Variants in PEX1 observed in about 807,000 individuals in gnomAD.
PEX1 encodes peroxisomal ATPase PEX1.
In PEX1, 97 loss-of-function variants were observed where a neutral mutation model predicts 152.5. The ratio of observed to expected loss-of-function variants is 0.64; its 90% CI spans 0.54 to 0.75. The LOEUF (loss-of-function observed/expected upper bound fraction) is 0.75. Among genes scored for constraint, PEX1 ranks in the 30% least tolerant of loss-of-function variants. The pLI is 0.00. For missense variants in PEX1, 1,357 were observed against 1,516.3 expected (o/e 0.89, Z 1.74); for synonymous variants, 485 against 531.6 (o/e 0.91, Z 1.21).
At chr7:92,516,247 G>A (rs1202145459) in intron 5 of PEX1, among the ~76,000 whole-genome samples, 1 of 151,622 alleles carries the variant, frequency 6.6e-6, no homozygotes, top group African/African-American at 2.4e-5. Flanking sequence ...CTAACATGGT[G>A]AAACCCAGTT....
chr7:92,525,086 T>C (rs1356396289), intron 1 of PEX1, among the ~76,000 whole-genome samples: 1 of 152,216 alleles, frequency 6.6e-6, no homozygotes, highest in African/African-American at 2.4e-5. Flanking sequence ...AAAGCCACAA[T>C]ATGTGCTCAG....
At position 92,528,165 on chromosome 7, in the gene PEX1, G is replaced by A. The variant is rs538726369; in HGVS notation, c.129+142C>T. On this transcript the variant is annotated intron_variant, in intron 1 of 23. Transcript: ENST00000248633. ...TGTGGGATCCAGAGACTACCCAGAA[G>A]GGCCCTGCCGTCGAGGGACCCTGAT... The A allele has an allele frequency of 3.2e-5, 33 of 1,043,946 alleles. No homozygotes were observed. The African/African-American group carries it at 3.6e-4, about 11-fold the overall frequency. The allele number at this position is 1,043,946 out of a possible 1,614,324, so 64.7% of individuals were successfully genotyped here.
intron 1 of PEX1, among the ~76,000 whole-genome samples, chr7:92,523,235 CTA>C (rs1793126421): frequency 6.6e-6 from 1 of 152,162 alleles, no homozygotes; most frequent in Non-Finnish European, 1.5e-5. Context: ...ATCCTTTTCT[CTA>C]TGTGCAAGTT....
chr7:92,515,103 ATATATATATATATATATATC>A (rs1792676930), intron 5 of PEX1, among the ~76,000 whole-genome samples: 6 of 26,280 alleles, frequency 2.3e-4, no homozygotes, highest in African/African-American at 9.4e-4. Context: ...ATATATATAT[ATATATATATATATATATATC>A]AATAATGATG....
At chr7:92,516,343 C>T (rs1792786023) in intron 5 of PEX1, among the ~76,000 whole-genome samples, 1 of 151,634 alleles carries the variant, frequency 6.6e-6, no homozygotes, top group Non-Finnish European at 1.5e-5. Flanking sequence ...AGGAGAACCA[C>T]TTGAACGTGG....
intron 16 of PEX1, among the ~76,000 whole-genome samples, chr7:92,498,355 T>C (rs922478603): frequency 1.3e-5 from 2 of 149,626 alleles, no homozygotes; most frequent in Admixed American, 1.3e-4. Flanking sequence ...AATACAAAAA[T>C]TAGCCTGTAA....
rs943129156 is a variant in PEX1, at chr7:92,487,258, A to G, written c.*199T>C. 1 of 366,790 alleles carries G rather than the reference A, an allele frequency of 2.7e-6. No homozygotes were observed. Among genetic ancestry groups the G allele is most frequent in the South Asian group, 8.5e-5 (1 of 11,728 alleles). The allele number at this position is 366,790 out of a possible 1,614,324, so 22.7% of individuals were successfully genotyped here. On this transcript the variant is annotated 3_prime_UTR_variant, in exon 24 of 24. Coordinates refer to ENST00000248633, the MANE Select transcript of PEX1 (RefSeq NM_000466.3). ...TAGGAAATAAAATATGGAATCTGTT[A>G]TAATGTCCCAATTTATACTACAGTA...
chr7:92,488,007 A>G (rs932789963), intron 23 of PEX1, among the ~76,000 whole-genome samples: 1 of 152,212 alleles, frequency 6.6e-6, no homozygotes, highest in African/African-American at 2.4e-5. Flanking sequence ...AAACAATTAG[A>G]TATGTGCATA....
chr7:92,490,689 A>T (rs1379010874), intron 21 of PEX1, among the ~76,000 whole-genome samples: 1 of 152,100 alleles, frequency 6.6e-6, no homozygotes, highest in African/African-American at 2.4e-5. Flanking sequence ...AAAAACCAGG[A>T]AACATATAGA....
intron 19 of PEX1, chr7:92,493,519 G>C (rs1462530376): frequency 6.3e-6 from 1 of 158,904 alleles, no homozygotes. Flanking sequence ...TGTGCCTGTG[G>C]TCCCAGCTAC....
chr7:92,495,725 A>G (rs73230477), intron 17 of PEX1, among the ~76,000 whole-genome samples: 1,714 of 152,072 alleles, frequency 0.011, 10 homozygotes, highest in Middle Eastern at 0.024. Flanking sequence ...AGATTTGTCA[A>G]TTGTACTCGG....
In PEX1 at chr7:92,489,848, C is replaced by T. The variant is rs762279727; in HGVS notation, c.3502G>A (p.Asp1168Asn). 2 of 1,614,052 alleles carry T rather than the reference C, an allele frequency of 1.2e-6. No homozygotes were observed. Among genetic ancestry groups the T allele is most frequent in the Admixed American group, 3.3e-5 (2 of 60,004 alleles). Residue 1168 changes from aspartate (D) to asparagine (N), a missense_variant, in exon 22 of 24, where the codon GAC becomes AAC. Physicochemically the swap from Asp to Asn is conservative, Grantham distance 23. Coordinates refer to ENST00000248633, the MANE Select transcript of PEX1 (RefSeq NM_000466.3). ...TQDLPGVPGK[D>N]QLFSQPPVLR... is the part of the protein sequence containing the mutation. ...ACTGGAGGCTGTGAAAACAACTGGTCTTTCCCAGGAACTCCAGGCAAATCC... is the reference window on the plus strand; with the variant it reads ...ACTGGAGGCTGTGAAAACAACTGGTTTTTCCCAGGAACTCCAGGCAAATCC...
At position 92,513,693 on chromosome 7, in the gene PEX1, G is replaced by T. The variant is rs38807; in HGVS notation, c.1359+155C>A. ...TTTGAATTATACACTTAAAAATGGC[G>T]AACATGGCATATTTTATGTTATATA... On this transcript the variant is annotated intron_variant, in intron 6 of 23. Coordinates refer to ENST00000248633, the MANE Select transcript of PEX1 (RefSeq NM_000466.3). Among the ~76,000 whole-genome samples the T allele has an allele frequency of 0.88, 133,539 of 152,168 alleles. 58,637 individuals are homozygous for T. Among genetic ancestry groups the T allele is most frequent in the East Asian group, 0.96 (4,962 of 5,184 alleles).
At chr7:92,505,627 A>G (rs1256184774) in intron 11 of PEX1, among the ~76,000 whole-genome samples, 1 of 152,204 alleles carries the variant, frequency 6.6e-6, no homozygotes, top group Admixed American at 6.5e-5. Context: ...TGGAGTTGCT[A>G]TATTTGAAAC....
intron 16 of PEX1, among the ~76,000 whole-genome samples, chr7:92,499,021 C>G (rs1370274229): frequency 6.6e-6 from 1 of 152,124 alleles, no homozygotes; most frequent in Non-Finnish European, 1.5e-5. Context: ...ATAGATGGAT[C>G]GCTGCTCCCA....
In PEX1 at chr7:92,489,298, A is replaced by G. The variant is rs375213175; in HGVS notation, c.3762T>C (p.Ala1254=). Residue 1254 remains alanine (A), a synonymous_variant, in exon 23 of 24, where the codon GCT becomes GCC. Coordinates refer to ENST00000248633, the MANE Select transcript of PEX1 (RefSeq NM_000466.3). ...SISEDDWKNF[A]ELYESFQNPK... ...AAACAGAATCTGTTACTTACAGCTCAGCAAAATTCTTCCAGTCATCTTCAC... is the reference window on the plus strand; with the variant it reads ...AAACAGAATCTGTTACTTACAGCTCGGCAAAATTCTTCCAGTCATCTTCAC... 1.7e-4 allele frequency: 277 copies of G among 1,613,542 alleles called. No individual in the cohort carries two copies. Among genetic ancestry groups the G allele is most frequent in the Non-Finnish European group, 2.3e-4 (270 of 1,179,706 alleles).
intron 17 of PEX1, 139 bp downstream of exon 17, chr7:92,496,574 C>A: frequency 5.7e-6 from 4 of 702,066 alleles, no homozygotes; most frequent in Non-Finnish European, 1.0e-5. Context: ...ATAGAGAATC[C>A]ACGTCCTCTA....
chr7:92,525,599 G>C (rs1343152887), intron 1 of PEX1, among the ~76,000 whole-genome samples: 1 of 152,190 alleles, frequency 6.6e-6, no homozygotes, highest in Non-Finnish European at 1.5e-5. Context: ...GGGGGAGGCA[G>C]TACAGGCGTC....
At chr7:92,525,877 G>T (rs924206762) in intron 1 of PEX1, among the ~76,000 whole-genome samples, 1 of 152,190 alleles carries the variant, frequency 6.6e-6, no homozygotes, top group African/African-American at 2.4e-5. Flanking sequence ...GGGCAACAGA[G>T]AATTGGAAAG....
Sources: allele counts gnomAD v4.1 joint callset (sites outside exome capture counted in the v4.1 genomes callset), GRCh38; gene constraint gnomAD v4.1.1; transcripts MANE v1.5; gene names NCBI Gene and HGNC (gene_info 2026-07-23, HGNC 2026-07-21).